The following ZNF589 variants were observed in gnomAD, a reference collection of about 807,000 sequenced individuals.
The protein encoded by ZNF589 is zinc finger protein 589, also known as KRAB-zinc finger protein SZF1-1.
ZNF589 carries 17 observed loss-of-function variants against 13.6 expected under a neutral mutation model. The ratio of observed to expected loss-of-function variants is 1.25; its 90% CI spans 0.86 to 1.88. The LOEUF (loss-of-function observed/expected upper bound fraction) is 1.88. ZNF589 is among the 40% of genes most tolerant of loss of function. The pLI, the probability that ZNF589 is intolerant of heterozygous loss-of-function variation, is 0.00. For missense variants in ZNF589, 407 were observed against 434.0 expected, an observed-to-expected ratio of 0.94 and a Z score of 0.55; for synonymous variants, 148 against 161.6, an observed-to-expected ratio of 0.92 and a Z score of 0.64.
intron 2 of ZNF589, among the ~76,000 whole-genome samples, chr3:48,253,812 A>G (rs1268898205): frequency 6.6e-6 from 1 of 152,026 alleles, no homozygotes; most frequent in African/African-American, 2.4e-5. Context: ...CTAGTCAGAT[A>G]TTTTGTAGAT....
Position 48,241,185 on chromosome 3 carries a change from G to A in ZNF589, c.14G>A (p.Arg5Gln), listed in dbSNP as rs1479405687. Residue 5 changes from arginine to glutamine, a missense_variant, in exon 1 of 4, where the codon CGG becomes CAG. Coordinates refer to ENST00000354698, the MANE Select transcript of ZNF589 (RefSeq NM_016089.3). Reference protein sequence around the residue: MWAPREQLLGWTAEA... With the variant: MWAPQEQLLGWTAEA... Reference sequence around the variant, plus strand: ...GTGCGCGCGCAGATGTGGGCCCCGCGGGAGCAGCTACTGGGCTGGACTGCG... The same window carrying A: ...GTGCGCGCGCAGATGTGGGCCCCGCAGGAGCAGCTACTGGGCTGGACTGCG... 6.2e-7 allele frequency: 1 copy of A among 1,613,622 alleles called. No homozygotes were observed. The highest frequency in any genetic ancestry group is 1.1e-5 in the South Asian group (1 of 91,068).
In ZNF589 at chr3:48,244,882, T is replaced by C. The variant is rs118064754; in HGVS notation, c.44-2743T>C. ...CAGGCTGGAGTGCAGTGGCACCATC[T>C]CAGCCCACTGGAACCTCCGCCTCCC... is the stretch of plus-strand genomic sequence containing the variant. On this transcript the variant is annotated intron_variant, in intron 1 of 3. Transcript: ENST00000354698. Among the ~76,000 whole-genome samples the C allele has an allele frequency of 1.0e-3, 159 of 151,536 alleles. 4 individuals carry two copies. In the East Asian group the frequency reaches 0.029, roughly 28 times the overall value.
At position 48,255,179 on chromosome 3, in the gene ZNF589, C is replaced by CT. The variant is rs375899065; in HGVS notation, c.97-5618dup. Among the ~76,000 whole-genome samples, 469 of 136,258 alleles carry CT rather than the reference C, an allele frequency of 3.4e-3. 4 individuals carry two copies. Among genetic ancestry groups the CT allele is most frequent in the African/African-American group, 6.7e-3 (248 of 37,276 alleles). 89.4% of individuals were successfully genotyped at this position (136,258 alleles called of 152,430 possible). A position where few individuals can be genotyped will look rare whatever the true frequency, so the allele number is the denominator to read the frequency against. ...TCTAGTTTGCTGAGAGCTATTACTT[C>CT]TTTTTTTTTTTTTTTTAAGACAGTC... On this transcript the variant is annotated intron_variant, in intron 2 of 3. Transcript: ENST00000354698.
chr3:48,268,178 G>A lies in ZNF589; in HGVS notation c.487G>A (p.Ala163Thr). 1.2e-6 allele frequency: 2 copies of A among 1,612,194 alleles called. No homozygotes were observed. Among genetic ancestry groups the A allele is most frequent in the Non-Finnish European group, 1.7e-6 (2 of 1,179,038 alleles). ...GTTTTGGAGTACAAATGAAAGGGGGGCTTTAGTGGGTTTCTCTAGCCTGTT... is the reference window on the plus strand; with the variant it reads ...GTTTTGGAGTACAAATGAAAGGGGGACTTTAGTGGGTTTCTCTAGCCTGTT... ...PLFWSTNERG[A>T]LVGFSSLFQR... Residue 163 changes from alanine to threonine, a missense_variant, in exon 4 of 4, where the codon GCT (alanine) becomes ACT (threonine). Coordinates refer to ENST00000354698, the MANE Select transcript of ZNF589 (RefSeq NM_016089.3).
intron 2 of ZNF589, among the ~76,000 whole-genome samples, chr3:48,258,232 TGTTATA>T (rs2033930703): frequency 6.6e-6 from 1 of 152,252 alleles, no homozygotes; most frequent in South Asian, 2.1e-4. Flanking sequence ...AGTGTACAGA[TGTTATA>T]GTTGTTTTGC....
In ZNF589 at chr3:48,241,228, G is replaced by A. The variant is rs1305226621; in HGVS notation, c.43+14G>A. 1.2e-6 allele frequency: 2 copies of A among 1,610,228 alleles called. No individual in the cohort carries two copies. The highest frequency in any genetic ancestry group is 1.7e-6 in the Non-Finnish European group (2 of 1,179,306). ...GGACTGCGGAAGGTGAGTCGGGGCCGCGAGATCGCCTCCCCCATTCGGTGC... is the reference window on the plus strand; with the variant it reads ...GGACTGCGGAAGGTGAGTCGGGGCCACGAGATCGCCTCCCCCATTCGGTGC... On this transcript the variant is annotated intron_variant, in intron 1 of 3. Coordinates refer to ENST00000354698, the MANE Select transcript of ZNF589 (RefSeq NM_016089.3).
chr3:48,253,664 T>G (rs1434484753), intron 2 of ZNF589, among the ~76,000 whole-genome samples: 2 of 152,012 alleles, frequency 1.3e-5, no homozygotes, highest in Non-Finnish European at 1.5e-5. Flanking sequence ...CACGCTAGGC[T>G]AATTTTTTTT....
rs112716912 is a variant in ZNF589, at chr3:48,257,715, G to T, written c.97-3098G>T. 2.2e-3 allele frequency among the ~76,000 whole-genome samples: 329 copies of T among 150,772 alleles called. 3 individuals are homozygous for T. Among genetic ancestry groups the T allele is most frequent in the African/African-American group, 7.3e-3 (294 of 40,306 alleles). Reference sequence around the variant, plus strand: ...TATATTTAAATTCGTGATTCATTTTGATTTTTTTTGTTTTTTGTTTTTAAT... The same window carrying T: ...TATATTTAAATTCGTGATTCATTTTTATTTTTTTTGTTTTTTGTTTTTAAT... On this transcript the variant is annotated intron_variant, in intron 2 of 3. Coordinates refer to ENST00000354698, the MANE Select transcript of ZNF589 (RefSeq NM_016089.3).
intron 2 of ZNF589, among the ~76,000 whole-genome samples, chr3:48,258,415 T>C (rs2033933269): frequency 6.6e-6 from 1 of 152,226 alleles, no homozygotes; most frequent in Non-Finnish European, 1.5e-5. Context: ...TATATGATCA[T>C]TTTTATAGAT....
At position 48,270,038 on chromosome 3, in the gene ZNF589, G is replaced by T; in HGVS notation, c.*1252G>T. The T allele has an allele frequency of 2.2e-6, 1 of 457,306 alleles. No homozygotes were observed. The highest frequency in any genetic ancestry group is 4.4e-6 in the Non-Finnish European group (1 of 227,112). 28.3% of individuals were successfully genotyped at this position (457,306 alleles called of 1,614,324 possible). A position where few individuals can be genotyped will look rare whatever the true frequency, so the allele number is the denominator to read the frequency against. On this transcript the variant is annotated 3_prime_UTR_variant, in exon 4 of 4. Coordinates refer to ENST00000354698, the MANE Select transcript of ZNF589 (RefSeq NM_016089.3). ...TAACTTCTGAGAGCAGAGGTGTCAA[G>T]TGACGGTCCCCTTGGAGGAATGGTC...
intron 3 of ZNF589, among the ~76,000 whole-genome samples, chr3:48,264,292 T>C (rs991374558): frequency 1.4e-4 from 21 of 152,050 alleles, no homozygotes; most frequent in Non-Finnish European, 2.9e-5. Flanking sequence ...CCCAGCACAC[T>C]GGGAGGCCGA....
chr3:48,267,398 G>GA (rs199796707), intron 3 of ZNF589, among the ~76,000 whole-genome samples: 25 of 151,202 alleles, frequency 1.7e-4, no homozygotes, highest in Non-Finnish European at 2.5e-4. Context: ...ATAAATAGAA[G>GA]AATTTTTTTT....
chr3:48,262,638 T>A (rs972899200), intron 3 of ZNF589, among the ~76,000 whole-genome samples: 1 of 142,250 alleles, frequency 7.0e-6, no homozygotes, highest in African/African-American at 2.6e-5. Flanking sequence ...AGGATTCAGA[T>A]GAGATCCACA....
At chr3:48,262,350 C>T (rs764244896) in intron 3 of ZNF589, among the ~76,000 whole-genome samples, 16 of 152,120 alleles carry the variant, frequency 1.1e-4, no homozygotes, top group African/African-American at 1.4e-4. Context: ...TCACCACAGC[C>T]GGCTAATTTT....
At chr3:48,250,588 C>T (rs138424282) in intron 2 of ZNF589, among the ~76,000 whole-genome samples, 1,707 of 150,560 alleles carry the variant, frequency 0.011, 34 homozygotes, top group African/African-American at 0.039. Context: ...TCTCCTGCTT[C>T]AGCCTCCTGA....
chr3:48,248,851 G>C (rs762064654), intron 2 of ZNF589, among the ~76,000 whole-genome samples: 3 of 152,166 alleles, frequency 2.0e-5, no homozygotes, highest in Non-Finnish European at 2.9e-5. Flanking sequence ...TCAAATTCAT[G>C]GTATGCAATG....
chr3:48,267,939 C>T lies in ZNF589; in HGVS notation c.248C>T (p.Thr83Ile). The T allele has an allele frequency of 6.2e-7, 1 of 1,611,778 alleles. No individual in the cohort carries two copies. The highest frequency in any genetic ancestry group is 1.6e-4 in the Middle Eastern group (1 of 6,062). ...GCAGAATCAAAGCCAGAAGTCCATA[C>T]CTGCCCTTCTTGCCCTCTGGCCTTT... ...SLAESKPEVH[T>I]CPSCPLAFGS... Residue 83 changes from threonine (T) to isoleucine (I), a missense_variant, in exon 4 of 4, where the codon ACC (threonine) becomes ATC (isoleucine). By Grantham distance (89) the Thr-to-Ile change is moderately conservative. Coordinates refer to ENST00000354698, the MANE Select transcript of ZNF589 (RefSeq NM_016089.3).
At chr3:48,251,513 T>C (rs2033838410) in intron 2 of ZNF589, among the ~76,000 whole-genome samples, 1 of 151,940 alleles carries the variant, frequency 6.6e-6, no homozygotes, top group African/African-American at 2.4e-5. Context: ...TGAGCTGAGA[T>C]TGCACCAATG....
At chr3:48,256,385 C>T in intron 2 of ZNF589, 2 of 561,148 alleles carry the variant, frequency 3.6e-6, no homozygotes, top group Admixed American at 2.0e-5. Context: ...GAGTAGCAGA[C>T]ATTGTCCCTC....
Sources: gnomAD v4.1 joint callset for allele counts (sites outside exome capture counted in the v4.1 genomes callset) on GRCh38, gnomAD v4.1.1 for gene constraint, MANE v1.5 for transcripts, NCBI Gene and HGNC (gene_info 2026-07-23, HGNC 2026-07-21) for gene names.